Variants in GRAMD4 observed in about 807,000 individuals in gnomAD.
The protein encoded by GRAMD4 is GRAM domain containing 4, also known as GRAM domain-containing protein 4.
GRAMD4 carries 25 observed loss-of-function variants against 83.9 expected under a neutral mutation model. The ratio of observed to expected loss-of-function variants is 0.30; its 90% CI spans 0.22 to 0.42. The LOEUF is 0.42. Among genes scored for constraint, GRAMD4 ranks in the 10% least tolerant of loss-of-function variants. The pLI is 1.00. For synonymous variants in GRAMD4, 336 were observed against 320.9 expected (o/e 1.05, Z -0.50); for missense variants, 593 against 788.7 (o/e 0.75, Z 2.97).
At position 46,587,400 on chromosome 22, in the gene GRAMD4, C is replaced by T. The variant is rs137982323; in HGVS notation, c.-50+10110C>T. Among the ~76,000 whole-genome samples the T allele has an allele frequency of 9.5e-3, 1,440 of 152,098 alleles. 13 individuals are homozygous for T. The highest frequency in any genetic ancestry group is 0.02 in the Middle Eastern group (6 of 294). Reference sequence around the variant, plus strand: ...AGTCTGTTCCAAAAGCCCAGCCGTCCGGAGTGACACTGGGCCATCAGCTCT... The same window carrying T: ...AGTCTGTTCCAAAAGCCCAGCCGTCTGGAGTGACACTGGGCCATCAGCTCT... On this transcript the variant is annotated intron_variant, in intron 1 of 1. Coordinates refer to the GRAMD4 transcript ENST00000431155.
chr22:46,589,428 G>A (rs1389693336), intron 1 of GRAMD4, among the ~76,000 whole-genome samples: 1 of 150,000 alleles, frequency 6.7e-6, no homozygotes, highest in Non-Finnish European at 1.5e-5. Context: ...CACGTGGCCC[G>A]AGGGCAGATG....
At chr22:46,674,775 G>A in intron 16 of GRAMD4, 25 bp downstream of exon 16, 1 of 1,505,006 alleles carries the variant, frequency 6.6e-7, no homozygotes, top group Non-Finnish European at 9.2e-7. Context: ...GGGGCCCTGT[G>A]TGGCTGCAGG....
intron 1 of GRAMD4, among the ~76,000 whole-genome samples, chr22:46,606,568 G>T (rs542199639): frequency 9.0e-6 from 1 of 111,460 alleles, no homozygotes; most frequent in African/African-American, 3.0e-5. Flanking sequence ...ATGGGCCTAT[G>T]GCCGGTGCTG....
At chr22:46,651,594 C>A (rs1254008377) in intron 3 of GRAMD4, among the ~76,000 whole-genome samples, 2 of 152,244 alleles carry the variant, frequency 1.3e-5, no homozygotes, top group African/African-American at 4.8e-5. Flanking sequence ...TGCTCACACA[C>A]GTCTTGCACA....
At chr22:46,596,224 C>G (rs917513849) in intron 1 of GRAMD4, among the ~76,000 whole-genome samples, 3 of 152,258 alleles carry the variant, frequency 2.0e-5, no homozygotes, top group Non-Finnish European at 4.4e-5. Flanking sequence ...GATAGGGACT[C>G]TGGCTGCTGG....
upstream of GRAMD4, among the ~76,000 whole-genome samples, chr22:46,616,168 C>CTG (rs1418952458): frequency 3.4e-5 from 4 of 118,228 alleles, no homozygotes; most frequent in East Asian, 2.8e-4. Context: ...GTAGGTTCCC[C>CTG]TGTGTGTACG....
At chr22:46,591,832 CA>C (rs34868206) in intron 1 of GRAMD4, among the ~76,000 whole-genome samples, 10,538 of 36,312 alleles carry the variant, frequency 0.29, 395 homozygotes, top group Middle Eastern at 0.35. Flanking sequence ...GACTCTGTCT[CA>C]AAAAAAAAAA....
chr22:46,663,275 G>T, intron 6 of GRAMD4, 103 bp downstream of exon 6: 1 of 1,131,518 alleles, frequency 8.8e-7, no homozygotes. Flanking sequence ...GGCCAAAGCT[G>T]TCTGTGAGGC....
intron 11 of GRAMD4, 63 bp downstream of exon 11, chr22:46,668,230 TGTCTACGCCGGCCAGGGGTAG>T (rs1333594562): frequency 3.0e-5 from 36 of 1,182,492 alleles, no homozygotes; most frequent in South Asian, 2.8e-4. Flanking sequence ...GCCAGGGGTG[TGTCTACGCCGGCCAGGGGTAG>T]GTCTCCGCCG....
intron 2 of GRAMD4, among the ~76,000 whole-genome samples, chr22:46,637,107 C>T (rs867461717): frequency 2.8e-4 from 42 of 152,140 alleles, no homozygotes; most frequent in African/African-American, 8.7e-4. Context: ...TGGAGGCGCC[C>T]GCAGCCTCCA....
chr22:46,672,165 C>T lies in GRAMD4; in HGVS notation c.1085-678C>T, dbSNP rs2082517503. Among the ~76,000 whole-genome samples the T allele has an allele frequency of 6.6e-6, 1 of 152,224 alleles. No individual in the cohort carries two copies. Among genetic ancestry groups the T allele is most frequent in the Non-Finnish European group, 1.5e-5 (1 of 68,040 alleles). On this transcript the variant is annotated intron_variant, in intron 13 of 18. Coordinates refer to ENST00000406902, the MANE Select transcript of GRAMD4 (RefSeq NM_015124.5). This position sits in a 1 kb window ranked among gnomAD's most constrained non-coding sequence, Gnocchi z 4.7. ...TGTGGGGGCCGGCCCCGCCTCCCAT[C>T]CCTGCATCTGTTGCCAGGTGGGGTC...
Position 46,672,620 on chromosome 22 carries a change from G to A in GRAMD4, c.1085-223G>A, listed in dbSNP as rs1435680366. Among the ~76,000 whole-genome samples, 1 of 151,980 alleles carries A rather than the reference G, an allele frequency of 6.6e-6. No individual in the cohort carries two copies. The highest frequency in any genetic ancestry group is 1.5e-5 in the Non-Finnish European group (1 of 67,986). On this transcript the variant is annotated intron_variant, in intron 13 of 18. Coordinates refer to ENST00000406902, the MANE Select transcript of GRAMD4 (RefSeq NM_015124.5). The surrounding 1 kb of genome is among the most constrained non-coding windows in gnomAD (Gnocchi z 4.7). Reference sequence around the variant, plus strand: ...TGGGAGTGGGTGGGGCGCTGGCAGTGGGGCCCTCGCCTGGGGTTGAGACTG... The same window carrying A: ...TGGGAGTGGGTGGGGCGCTGGCAGTAGGGCCCTCGCCTGGGGTTGAGACTG...
At chr22:46,665,449 T>C (rs1234755441) in intron 8 of GRAMD4, among the ~76,000 whole-genome samples, 166 bp from the exon 9 acceptor site, 2 of 152,184 alleles carry the variant, frequency 1.3e-5, no homozygotes, top group East Asian at 3.9e-4. Flanking sequence ...GAAGCAGCCC[T>C]TCCTCCGGCT....
chr22:46,668,489 C>T lies in GRAMD4; in HGVS notation c.931-200C>T, dbSNP rs549699682. Among the ~76,000 whole-genome samples the T allele has an allele frequency of 1.0e-3, 155 of 152,258 alleles. 1 individual carries two copies. The highest frequency in any genetic ancestry group is 3.5e-3 in the African/African-American group (147 of 41,542). On this transcript the variant is annotated intron_variant, in intron 11 of 18. Coordinates refer to ENST00000406902, the MANE Select transcript of GRAMD4 (RefSeq NM_015124.5). The stretch of plus-strand genomic sequence containing the variant: ...AACGCCCCTGGGAAGGACTCAGGCC[C>T]GGGTCTGCTGTTGCTGTGAGCGTGG...
chr22:46,650,352 G>A (rs949946861), intron 3 of GRAMD4, among the ~76,000 whole-genome samples: 1 of 150,004 alleles, frequency 6.7e-6, no homozygotes, highest in African/African-American at 2.4e-5. Context: ...GCTGGGTGGA[G>A]GGCTGCGTGT....
At chr22:46,639,423 A>T (rs372853858) in intron 3 of GRAMD4, among the ~76,000 whole-genome samples, 95 of 142,352 alleles carry the variant, frequency 6.7e-4, no homozygotes, top group African/African-American at 2.4e-3. Flanking sequence ...TAGTTAATCC[A>T]GTGTGTGTGT....
At chr22:46,616,796 G>GC, upstream of GRAMD4, among the ~76,000 whole-genome samples, 2 of 138,678 alleles carry the variant, frequency 1.4e-5, no homozygotes, top group Non-Finnish European at 3.1e-5. Flanking sequence ...CTGTGTGTAG[G>GC]TTCCCCTGTG....
At chr22:46,666,283 G>A (rs956711691) in intron 9 of GRAMD4, among the ~76,000 whole-genome samples, 5 of 152,298 alleles carry the variant, frequency 3.3e-5, no homozygotes, top group Admixed American at 2.0e-4. Flanking sequence ...CTGCACTCCT[G>A]GGTCCTTCTT....
At position 46,621,097 on chromosome 22, in the gene GRAMD4, G is replaced by C. The variant is rs1281603088; in HGVS notation, c.-50+532G>C. 6.6e-6 allele frequency among the ~76,000 whole-genome samples: 1 copy of C among 151,838 alleles called. No individual in the cohort carries two copies. Among genetic ancestry groups the C allele is most frequent in the African/African-American group, 2.4e-5 (1 of 41,314 alleles). ...ACCGTGGAGGGGGTGGGGATGGGCA[G>C]CTAGAAGTGGGGAGGGCAGGGGCCG... On this transcript the variant is annotated intron_variant, in intron 1 of 18. Coordinates refer to ENST00000406902, the MANE Select transcript of GRAMD4 (RefSeq NM_015124.5). This position sits in a 1 kb window ranked among gnomAD's most constrained non-coding sequence, Gnocchi z 5.8.
Sources: allele counts gnomAD v4.1 joint callset (sites outside exome capture counted in the v4.1 genomes callset), GRCh38; gene constraint gnomAD v4.1.1; non-coding constraint Gnocchi (gnomAD v3.1); transcripts MANE v1.5; gene names NCBI Gene and HGNC (gene_info 2026-07-23, HGNC 2026-07-21).